Variants in AFAP1 observed in about 807,000 individuals in gnomAD.
The protein encoded by AFAP1 is actin filament associated protein 1.
AFAP1 carries 75 observed loss-of-function variants against 93.9 expected under a neutral mutation model. That is an observed-to-expected ratio of 0.80 (90% CI 0.66 to 0.97). The LOEUF is 0.97. Ranked by LOEUF, AFAP1 falls within the 50% of genes least tolerant of loss-of-function variation. The pLI is 0.00. For missense variants in AFAP1, 1,201 were observed against 1,050.8 expected (o/e 1.14, Z -1.98); for synonymous variants, 517 against 430.7 (o/e 1.20, Z -2.48).
intron 2 of AFAP1, among the ~76,000 whole-genome samples, chr4:7,871,535 G>A (rs1347833173): frequency 2.6e-5 from 4 of 152,178 alleles, no homozygotes; most frequent in East Asian, 1.9e-4. Flanking sequence ...TCGTGGGAGG[G>A]ACAGAGCACA....
chr4:7,816,834 G>A (rs1243683339), intron 7 of AFAP1, among the ~76,000 whole-genome samples: 3 of 152,196 alleles, frequency 2.0e-5, no homozygotes, highest in Non-Finnish European at 2.9e-5. Flanking sequence ...GCAGTTCCCA[G>A]GCACAAAGGA....
intron 1 of AFAP1, among the ~76,000 whole-genome samples, chr4:7,895,852 GTTTTTTTTTTT>G (rs35666187): frequency 9.0e-6 from 1 of 110,628 alleles, no homozygotes; most frequent in African/African-American, 3.4e-5. Context: ...TCTTCAGAAA[GTTTTTTTTTTT>G]TTTTTTTTTT....
chr4:7,845,744 C>A (rs1713607799), intron 4 of AFAP1, among the ~76,000 whole-genome samples: 1 of 152,154 alleles, frequency 6.6e-6, no homozygotes, highest in Admixed American at 6.5e-5. Context: ...ACTCACCAAG[C>A]ACCCCCTGCT....
intron 6 of AFAP1, among the ~76,000 whole-genome samples, chr4:7,830,381 G>A (rs773830353): frequency 7.9e-5 from 12 of 152,146 alleles, no homozygotes; most frequent in Admixed American, 3.9e-4. Context: ...CAAGAAACGC[G>A]AGGCTGTGGG....
chr4:7,795,191 A>G (rs1289223553), intron 10 of AFAP1, among the ~76,000 whole-genome samples: 1 of 152,180 alleles, frequency 6.6e-6, no homozygotes, highest in Non-Finnish European at 1.5e-5. Context: ...GAAATTGGCT[A>G]GTGATATTTT....
At chr4:7,924,823 C>T (rs1338773416) in intron 1 of AFAP1, among the ~76,000 whole-genome samples, 1 of 152,140 alleles carries the variant, frequency 6.6e-6, no homozygotes, top group East Asian at 1.9e-4. Flanking sequence ...ACCCAGAAAG[C>T]TAAATGACAA....
intron 6 of AFAP1, among the ~76,000 whole-genome samples, chr4:7,834,512 T>G (rs1030619882): frequency 6.6e-6 from 1 of 152,178 alleles, no homozygotes; most frequent in Non-Finnish European, 1.5e-5. Context: ...CTATGGAAAT[T>G]TAAAAAAAAT....
chr4:7,919,755 G>A (rs193108215), intron 1 of AFAP1, among the ~76,000 whole-genome samples: 1 of 152,186 alleles, frequency 6.6e-6, no homozygotes, highest in Admixed American at 6.5e-5. Context: ...ATTGAGCCCA[G>A]CCAGCATGCA....
At chr4:7,802,639 C>CTTTTTTTT (rs60126839) in intron 9 of AFAP1, among the ~76,000 whole-genome samples, 1 of 127,908 alleles carries the variant, frequency 7.8e-6, no homozygotes, top group Non-Finnish European at 1.6e-5. Flanking sequence ...TACATTTATT[C>CTTTTTTTT]TTTTTTTTTT....
chr4:7,831,095 G>T (rs947383638), intron 6 of AFAP1, among the ~76,000 whole-genome samples: 1 of 152,096 alleles, frequency 6.6e-6, no homozygotes, highest in Admixed American at 6.6e-5. Flanking sequence ...CTGAATCACT[G>T]GGAATCAATG....
At chr4:7,788,061 G>A (rs1031627914) in intron 11 of AFAP1, among the ~76,000 whole-genome samples, 8 of 152,224 alleles carry the variant, frequency 5.3e-5, no homozygotes, top group Non-Finnish European at 1.2e-4. Flanking sequence ...TCTCCCCACT[G>A]GAGGGTCGGC....
At chr4:7,788,379 G>A (rs1717513240) in intron 11 of AFAP1, among the ~76,000 whole-genome samples, 1 of 152,264 alleles carries the variant, frequency 6.6e-6, no homozygotes, top group Non-Finnish European at 1.5e-5. Flanking sequence ...TTGGGGCTCC[G>A]GGCTGGGCTT....
intron 1 of AFAP1, among the ~76,000 whole-genome samples, chr4:7,878,287 C>T (rs903068367): frequency 6.6e-6 from 1 of 152,198 alleles, no homozygotes; most frequent in Admixed American, 6.5e-5. Context: ...CCCACGTCTC[C>T]TCTCCACCCT....
intron 1 of AFAP1, among the ~76,000 whole-genome samples, chr4:7,911,727 C>T (rs1339065648): frequency 6.6e-6 from 1 of 152,168 alleles, no homozygotes; most frequent in African/African-American, 2.4e-5. Context: ...GTCACTATTC[C>T]ACACGGGTCC....
intron 17 of AFAP1, among the ~76,000 whole-genome samples, chr4:7,764,049 A>T (rs1441231856): frequency 6.6e-6 from 1 of 152,230 alleles, no homozygotes; most frequent in African/African-American, 2.4e-5. Context: ...GAGGAAACCC[A>T]GTGTCCACCG....
chr4:7,935,669 CTA>C (rs1721335045), intron 1 of AFAP1, among the ~76,000 whole-genome samples: 1 of 152,182 alleles, frequency 6.6e-6, no homozygotes, highest in South Asian at 2.1e-4. Flanking sequence ...TCAGTCCTTA[CTA>C]TGAAACACTC....
chr4:7,895,215 A>G (rs1055868858), intron 1 of AFAP1, among the ~76,000 whole-genome samples: 2 of 152,238 alleles, frequency 1.3e-5, no homozygotes, highest in Admixed American at 1.3e-4. Context: ...CTTGCCAGGC[A>G]TGGCCTTGAG....
intron 5 of AFAP1, among the ~76,000 whole-genome samples, chr4:7,841,232 C>T (rs1262318324): frequency 6.6e-6 from 1 of 152,182 alleles, no homozygotes; most frequent in African/African-American, 2.4e-5. Flanking sequence ...CTCAGGGATA[C>T]CACCATGAGA....
At chr4:7,828,029 G>A (rs975139130) in intron 6 of AFAP1, among the ~76,000 whole-genome samples, 9 of 152,220 alleles carry the variant, frequency 5.9e-5, no homozygotes, top group Admixed American at 2.6e-4. Flanking sequence ...GCATGTGGAA[G>A]GTGAATTCAG....
Sources: gnomAD v4.1 joint callset for allele counts (sites outside exome capture counted in the v4.1 genomes callset) on GRCh38, gnomAD v4.1.1 for gene constraint, MANE v1.5 for transcripts, NCBI Gene and HGNC (gene_info 2026-07-23, HGNC 2026-07-21) for gene names.